EDAR: variants seen among roughly 807,000 people sequenced by gnomAD.
The protein encoded by EDAR is tumor necrosis factor receptor superfamily member EDAR.
In EDAR, 38 loss-of-function variants were observed where a neutral mutation model predicts 51.3. The observed-to-expected ratio is 0.74, with a 90% CI of 0.57 to 0.97. The LOEUF is 0.97. Ranked by LOEUF, EDAR falls within the 50% of genes least tolerant of loss-of-function variation. EDAR has a pLI of 0.00. For synonymous variants in EDAR, 227 were observed against 242.1 expected, an observed-to-expected ratio of 0.94 and a Z score of 0.58; for missense variants, 528 against 595.0, an observed-to-expected ratio of 0.89 and a Z score of 1.17.
intron 11 of EDAR, among the ~76,000 whole-genome samples, chr2:108,899,561 T>G (rs1482874485): frequency 6.6e-6 from 1 of 152,246 alleles, no homozygotes; most frequent in Non-Finnish European, 1.5e-5. Flanking sequence ...TGAATTACAT[T>G]AGGCAGTTGA....
chr2:108,930,077 TC>T (rs1697334694), intron 3 of EDAR, 42 bp downstream of exon 3: 1 of 1,590,670 alleles, frequency 6.3e-7, no homozygotes, highest in African/African-American at 1.3e-5. Flanking sequence ...GCAGGAGGCC[TC>T]CCCTGAGAGC....
intron 11 of EDAR, among the ~76,000 whole-genome samples, chr2:108,901,468 A>C (rs1305536693): frequency 6.6e-6 from 1 of 152,222 alleles, no homozygotes; most frequent in Non-Finnish European, 1.5e-5. Flanking sequence ...TAAGTAATTT[A>C]GAAATAAGAG....
At chr2:108,963,754 G>A (rs1558835826) in intron 1 of EDAR, among the ~76,000 whole-genome samples, 1 of 152,234 alleles carries the variant, frequency 6.6e-6, no homozygotes, top group Admixed American at 6.5e-5. Context: ...TCACAGGACT[G>A]CCTGGCCTGG....
chr2:108,953,316 C>T (rs747366501), intron 1 of EDAR, among the ~76,000 whole-genome samples: 1 of 152,126 alleles, frequency 6.6e-6, no homozygotes, highest in Non-Finnish European at 1.5e-5. Flanking sequence ...CAAGACCCAC[C>T]GGTAAACTTC....
At chr2:108,909,222 G>A (rs1696868346) in intron 9 of EDAR, among the ~76,000 whole-genome samples, 1 of 152,164 alleles carries the variant, frequency 6.6e-6, no homozygotes, top group African/African-American at 2.4e-5. Flanking sequence ...TTTGATTTCT[G>A]GGAATAAGAA....
chr2:108,907,993 T>C lies in EDAR; in HGVS notation c.830A>G (p.Glu277Gly), dbSNP rs1305727622. ...GTCGACGCTCCGGCTCAGCAGCTGC[T>C]CATTCTCGGATGAGGCATCGTTCTC... is the stretch of plus-strand genomic sequence containing the variant. ...KSENDASSEN[E>G]QLLSRSVDSD... Residue 277 changes from glutamate to glycine, a missense_variant, in exon 10 of 12, where the codon GAG (glutamate) becomes GGG (glycine). Coordinates refer to ENST00000258443, the MANE Select transcript of EDAR (RefSeq NM_022336.4). 1 of 1,610,450 alleles carries C rather than the reference T, an allele frequency of 6.2e-7. No homozygotes were observed. Among genetic ancestry groups the C allele is most frequent in the Non-Finnish European group, 8.5e-7 (1 of 1,177,338 alleles).
At chr2:108,983,173 G>T (rs368419299) in intron 1 of EDAR, among the ~76,000 whole-genome samples, 1 of 152,050 alleles carries the variant, frequency 6.6e-6, no homozygotes, top group Non-Finnish European at 1.5e-5. Flanking sequence ...AGAGGATGCC[G>T]CATGTCAACA....
At chr2:108,986,430 T>C (rs1205547096) in intron 1 of EDAR, among the ~76,000 whole-genome samples, 1 of 152,172 alleles carries the variant, frequency 6.6e-6, no homozygotes, top group Non-Finnish European at 1.5e-5. Context: ...CCCTGGTGGC[T>C]GTCATTGCAC....
chr2:108,978,612 T>G (rs1000264373), intron 1 of EDAR, among the ~76,000 whole-genome samples: 1 of 152,178 alleles, frequency 6.6e-6, no homozygotes, highest in Non-Finnish European at 1.5e-5. Context: ...TAATAAATAA[T>G]TCATTTTAAC....
chr2:108,977,534 T>C (rs1261154280), intron 1 of EDAR, among the ~76,000 whole-genome samples: 2 of 152,156 alleles, frequency 1.3e-5, no homozygotes, highest in African/African-American at 4.8e-5. Context: ...CCTCCCAAAG[T>C]GCTGGGATTA....
At chr2:108,945,734 GAA>G (rs1697702958) in intron 1 of EDAR, among the ~76,000 whole-genome samples, 1 of 152,196 alleles carries the variant, frequency 6.6e-6, no homozygotes, top group African/African-American at 2.4e-5. Flanking sequence ...CCTTAAAAAG[GAA>G]AGACTTTCTG....
chr2:108,916,320 C>T (rs80122870), intron 5 of EDAR, among the ~76,000 whole-genome samples: 2 of 152,236 alleles, frequency 1.3e-5, no homozygotes, highest in African/African-American at 2.4e-5. Flanking sequence ...TGTCGGGGCT[C>T]GCAGGCTGCT....
rs1249488164 is a variant in EDAR at position 108,910,810 on chromosome 2, T to G, written c.696A>C (p.Gln232His). The G allele has an allele frequency of 6.2e-7, 1 of 1,613,884 alleles. No individual in the cohort carries two copies. Among genetic ancestry groups the G allele is most frequent in the Non-Finnish European group, 8.5e-7 (1 of 1,179,990 alleles). ...TSHPGKSVEA[Q>H]VSKDEEKKEA... ...CTTTCTTCTCCTCGTCCTTGCTCAC[T>G]TGGGCCTCCACGCTCTTCCCCGGGT... Residue 232 changes from glutamine to histidine, a missense_variant, in exon 8 of 12, where the codon CAA (glutamine) becomes CAC (histidine). By Grantham distance (24) the Gln-to-His change is conservative (BLOSUM62 0). Transcript: ENST00000258443.
intron 1 of EDAR, among the ~76,000 whole-genome samples, chr2:108,945,672 C>T (rs1697701796): frequency 6.6e-6 from 1 of 152,128 alleles, no homozygotes; most frequent in Non-Finnish European, 1.5e-5. Flanking sequence ...TGCCATGGAT[C>T]CCAAATGGAT....
rs1046246763 is a variant in EDAR at position 108,894,476 on chromosome 2, T to C, written c.*2431A>G. 6.6e-6 allele frequency: 1 copy of C among 152,500 alleles called. No individual in the cohort carries two copies. Among genetic ancestry groups the C allele is most frequent in the Non-Finnish European group, 1.5e-5 (1 of 68,020 alleles). The allele number at this position is 152,500 out of a possible 1,614,324, so 9.4% of individuals were successfully genotyped here. On this transcript the variant is annotated 3_prime_UTR_variant, in exon 12 of 12. Coordinates refer to ENST00000258443, the MANE Select transcript of EDAR (RefSeq NM_022336.4). ...ACATTACGGTAGTCTATAAATCTTATTAATGTGTTTATTGAGATTATAAAA... is the reference window on the plus strand; with the variant it reads ...ACATTACGGTAGTCTATAAATCTTACTAATGTGTTTATTGAGATTATAAAA...
At chr2:108,927,486 C>T (rs535759400) in intron 4 of EDAR, among the ~76,000 whole-genome samples, 3 of 152,318 alleles carry the variant, frequency 2.0e-5, no homozygotes, top group African/African-American at 7.2e-5. Context: ...GAACCAAGCA[C>T]GTGGTCTTCA....
chr2:108,907,792 A>G (rs1319692929), intron 10 of EDAR, 68 bp downstream of exon 10: 1 of 1,584,580 alleles, frequency 6.3e-7, no homozygotes, highest in African/African-American at 1.3e-5. Flanking sequence ...TCAATAAGAA[A>G]GTTTTAGTCT....
At chr2:108,902,090 T>C (rs1008593716) in intron 11 of EDAR, among the ~76,000 whole-genome samples, 1 of 151,456 alleles carries the variant, frequency 6.6e-6, no homozygotes, top group Admixed American at 6.6e-5. Context: ...ATACAAAAAT[T>C]AGCTGGGCAT....
At chr2:108,898,780 C>T (rs1479451626) in intron 11 of EDAR, among the ~76,000 whole-genome samples, 1 of 152,020 alleles carries the variant, frequency 6.6e-6, no homozygotes, top group Non-Finnish European at 1.5e-5. Context: ...TACAAAAGTA[C>T]AATAACCACA....
Sources: allele counts gnomAD v4.1 joint callset (sites outside exome capture counted in the v4.1 genomes callset), GRCh38; gene constraint gnomAD v4.1.1; transcripts MANE v1.5; gene names NCBI Gene and HGNC (gene_info 2026-07-23, HGNC 2026-07-21).